ROBO2: variants seen among roughly 807,000 people sequenced by gnomAD.
ROBO2 encodes the protein roundabout guidance receptor 2.
In ROBO2, 53 loss-of-function variants were observed where a neutral mutation model predicts 160.8. The observed-to-expected ratio is 0.33, with a 90% CI of 0.26 to 0.41. The LOEUF (loss-of-function observed/expected upper bound fraction) is 0.41, where lower values mean the gene tolerates loss of function less well. Ranked by LOEUF, ROBO2 falls within the 10% of genes least tolerant of loss-of-function variation. The pLI, the probability that ROBO2 is intolerant of heterozygous loss-of-function variation, is 1.00. For synonymous variants in ROBO2, 664 were observed against 611.7 expected (o/e 1.09, Z -1.26); for missense variants, 1,577 against 1,722.4 (o/e 0.92, Z 1.49).
chr3:77,231,462 G>A (rs553961203), intron 2 of ROBO2, among the ~76,000 whole-genome samples: 206 of 151,396 alleles, frequency 1.4e-3, no homozygotes, highest in Non-Finnish European at 2.3e-3. Context: ...TACACACTTA[G>A]GACCCCTGAT....
chr3:76,024,307 G>C (rs2066664231), intron 2 of ROBO2, among the ~76,000 whole-genome samples: 1 of 151,184 alleles, frequency 6.6e-6, no homozygotes, highest in Non-Finnish European at 1.5e-5. Flanking sequence ...AATTTGGCAA[G>C]GCAAAAACTT....
chr3:76,642,224 C>T (rs968430035), intron 2 of ROBO2, among the ~76,000 whole-genome samples: 3 of 151,516 alleles, frequency 2.0e-5, no homozygotes, highest in African/African-American at 7.3e-5. Flanking sequence ...TAAACTTGCC[C>T]AAGAGCACCA....
chr3:77,102,116 T>C (rs1344666021), intron 2 of ROBO2, among the ~76,000 whole-genome samples: 1 of 152,128 alleles, frequency 6.6e-6, no homozygotes, highest in Non-Finnish European at 1.5e-5. Context: ...AAACAGTACC[T>C]GTGGGCTCCA....
intron 2 of ROBO2, among the ~76,000 whole-genome samples, chr3:76,339,646 T>G (rs927047576): frequency 6.6e-6 from 1 of 152,132 alleles, no homozygotes; most frequent in Non-Finnish European, 1.5e-5. Flanking sequence ...AATTGGAATC[T>G]GCGTCATTTT....
At chr3:77,211,692 G>A (rs1371681206) in intron 2 of ROBO2, among the ~76,000 whole-genome samples, 2 of 152,238 alleles carry the variant, frequency 1.3e-5, no homozygotes, top group South Asian at 2.1e-4. Flanking sequence ...TTCTTCTAGG[G>A]TTTTTATGGT....
intron 2 of ROBO2, among the ~76,000 whole-genome samples, chr3:75,941,522 G>A (rs1948053435): frequency 6.6e-6 from 1 of 152,114 alleles, no homozygotes. Context: ...TTTCCACGAT[G>A]AATTTACATG....
rs769562633 is a variant in ROBO2, at chr3:77,542,487, A to G, written c.935-3851A>G. Reference sequence around the variant, plus strand: ...ATTGAATGCATTTGAAATACAACACATTTCCGACTTGGAGTAAATGTACAA... The same window carrying G: ...ATTGAATGCATTTGAAATACAACACGTTTCCGACTTGGAGTAAATGTACAA... On this transcript the variant is annotated intron_variant, in intron 6 of 25. Transcript: ENST00000461745. 2.6e-4 allele frequency among the ~76,000 whole-genome samples: 39 copies of G among 152,218 alleles called. 1 individual carries two copies. The highest frequency in any genetic ancestry group is 7.2e-5 in the African/African-American group (3 of 41,460).
At chr3:76,637,547 T>A (rs13063945) in intron 2 of ROBO2, among the ~76,000 whole-genome samples, 3 of 151,932 alleles carry the variant, frequency 2.0e-5, no homozygotes, top group Non-Finnish European at 4.4e-5. Flanking sequence ...GGAGGCTGAT[T>A]TTTTACATTA....
At chr3:76,265,593 C>T (rs907675546) in intron 2 of ROBO2, among the ~76,000 whole-genome samples, 6 of 151,988 alleles carry the variant, frequency 3.9e-5, no homozygotes, top group African/African-American at 1.5e-4. Flanking sequence ...TATTGTAAAC[C>T]TTTCATATTT....
intron 2 of ROBO2, among the ~76,000 whole-genome samples, chr3:76,910,076 G>A (rs373446536): frequency 7.9e-5 from 12 of 152,094 alleles, no homozygotes; most frequent in African/African-American, 2.9e-4. Context: ...AACTACTGCT[G>A]CTGTTACTGG....
chr3:76,223,335 C>A (rs1332035620), intron 2 of ROBO2, among the ~76,000 whole-genome samples: 6 of 151,696 alleles, frequency 4.0e-5, no homozygotes, highest in Non-Finnish European at 7.4e-5. Flanking sequence ...GCGGGGTTAA[C>A]CCCCTCAGAT....
intron 2 of ROBO2, among the ~76,000 whole-genome samples, chr3:76,585,042 C>T (rs372220250): frequency 1.4e-4 from 21 of 152,252 alleles, no homozygotes; most frequent in African/African-American, 4.3e-4. Flanking sequence ...GCAAAGAAAA[C>T]GATAACAACA....
chr3:76,241,321 T>C (rs34518381), intron 2 of ROBO2, among the ~76,000 whole-genome samples: 5,601 of 152,312 alleles, frequency 0.037, 128 homozygotes, highest in Non-Finnish European at 0.052. Flanking sequence ...ACTAAGAAGT[T>C]GTTCAAACAA....
intron 18 of ROBO2, among the ~76,000 whole-genome samples, chr3:77,596,040 G>A (rs1183066070): frequency 2.0e-5 from 3 of 151,986 alleles, no homozygotes; most frequent in Non-Finnish European, 4.4e-5. Flanking sequence ...TCAGATCACA[G>A]TGTATCTTTT....
intron 2 of ROBO2, among the ~76,000 whole-genome samples, chr3:77,382,233 T>TA (rs1463084323): frequency 6.6e-6 from 1 of 152,090 alleles, no homozygotes; most frequent in Non-Finnish European, 1.5e-5. Context: ...AATTAACATT[T>TA]AAAATTATAC....
At chr3:76,301,703 C>G (rs1559734262) in intron 2 of ROBO2, among the ~76,000 whole-genome samples, 1 of 152,170 alleles carries the variant, frequency 6.6e-6, no homozygotes, top group Admixed American at 6.5e-5. Flanking sequence ...CTAGTTTCCC[C>G]CCAAAATGTA....
At chr3:76,443,278 A>T (rs1482219967) in intron 2 of ROBO2, among the ~76,000 whole-genome samples, 1 of 152,104 alleles carries the variant, frequency 6.6e-6, no homozygotes, top group African/African-American at 2.4e-5. Context: ...CCCACCTCCA[A>T]CATTGGAGAT....
At chr3:76,086,543 A>G (rs2069019269) in intron 2 of ROBO2, among the ~76,000 whole-genome samples, 1 of 152,144 alleles carries the variant, frequency 6.6e-6, no homozygotes, top group Non-Finnish European at 1.5e-5. Flanking sequence ...TCAACAAAAT[A>G]CTAATAACTT....
chr3:76,480,559 G>C (rs1448567502), intron 2 of ROBO2, among the ~76,000 whole-genome samples: 1 of 152,116 alleles, frequency 6.6e-6, no homozygotes, highest in Non-Finnish European at 1.5e-5. Flanking sequence ...TCTAGAGGCT[G>C]AGAAGTCCAA....
Sources: allele counts gnomAD v4.1 joint callset (sites outside exome capture counted in the v4.1 genomes callset), GRCh38; gene constraint gnomAD v4.1.1; transcripts MANE v1.5; gene names NCBI Gene and HGNC (gene_info 2026-07-23, HGNC 2026-07-21).